Variants in UMODL1 observed in about 807,000 individuals in gnomAD.
The protein encoded by UMODL1 is uromodulin-like 1.
Under a neutral mutation model 136.3 loss-of-function variants are expected in UMODL1, and 128 were observed. The ratio of observed to expected loss-of-function variants is 0.94; its 90% CI spans 0.81 to 1.09. The LOEUF (loss-of-function observed/expected upper bound fraction) is 1.09. Ranked by LOEUF, UMODL1 falls within the 50% of genes least tolerant of loss-of-function variation. The probability of loss-of-function intolerance (pLI) is 0.00; values close to 1 mark genes in which losing one functional copy is unlikely to be tolerated. For missense variants in UMODL1, 1,766 were observed against 1,725.6 expected, an observed-to-expected ratio of 1.02 and a Z score of -0.41; for synonymous variants, 721 against 720.0, an observed-to-expected ratio of 1.00 and a Z score of -0.02.
Position 42,072,817 on chromosome 21 carries a change from C to G in UMODL1, c.76+1425C>G, listed in dbSNP as rs192545041. 4.1e-3 allele frequency among the ~76,000 whole-genome samples: 621 copies of G among 152,362 alleles called. 1 individual carries two copies. The highest frequency in any genetic ancestry group is 0.014 in the African/African-American group (592 of 41,588). ...CCCAGAGCATTAGGCTTTCCCATCT[C>G]TGAGACCGGAATCCAAGACCCCCGG... On this transcript the variant is annotated intron_variant, in intron 1 of 22. Coordinates refer to ENST00000408910, the MANE Select transcript of UMODL1 (RefSeq NM_001004416.3).
chr21:42,126,880 G>A (rs1458366770), intron 18 of UMODL1, 126 bp from the exon 19 acceptor site: 3 of 842,772 alleles, frequency 3.6e-6, no homozygotes, highest in Non-Finnish European at 5.9e-6. Flanking sequence ...GTTTGGGGTT[G>A]AGGGGGTCTT....
At chr21:42,130,046 C>G (rs2067113266) in intron 21 of UMODL1, among the ~76,000 whole-genome samples, 1 of 152,176 alleles carries the variant, frequency 6.6e-6, no homozygotes, top group South Asian at 2.1e-4. Flanking sequence ...TGAGCTATTA[C>G]CATACCCATG....
chr21:42,079,332 C>T (rs763229188), intron 2 of UMODL1, among the ~76,000 whole-genome samples: 18 of 152,240 alleles, frequency 1.2e-4, no homozygotes, highest in South Asian at 2.1e-4. Flanking sequence ...CTCCAGGAAG[C>T]GCCTCTTGTT....
intron 22 of UMODL1, among the ~76,000 whole-genome samples, chr21:42,141,878 C>T (rs965421390): frequency 1.3e-5 from 2 of 152,210 alleles, no homozygotes; most frequent in Non-Finnish European, 1.5e-5. Flanking sequence ...GAGCATCGCT[C>T]ACCTGAGGGC....
chr21:42,084,201 GC>G lies in UMODL1; in HGVS notation c.441del (p.Trp148GlyfsTer30), dbSNP rs754273819. 2 of 1,613,892 alleles carry G rather than the reference GC, an allele frequency of 1.2e-6. No individual in the cohort carries two copies. The highest frequency in any genetic ancestry group is 2.2e-5 in the East Asian group (1 of 44,858). Reference protein sequence around the residue: ...DIDCPGLEKCCPWSGGRYCMA... With the variant: ...DIDCPGLEKCXPWSGGRYCMA... ...GACTGTCCTGGACTTGAGAAGTGCTGCCCCTGGTCAGGGGGGCGCTACTGCA... is the reference window on the plus strand; with the variant it reads ...GACTGTCCTGGACTTGAGAAGTGCTGCCCTGGTCAGGGGGGCGCTACTGCA... On this transcript the variant is annotated frameshift_variant, in exon 3 of 23. Coordinates refer to ENST00000408910, the MANE Select transcript of UMODL1 (RefSeq NM_001004416.3). LOFTEE classifies it high-confidence loss of function.
chr21:42,120,098 A>C (rs1180980479), intron 15 of UMODL1, among the ~76,000 whole-genome samples: 1 of 152,264 alleles, frequency 6.6e-6, no homozygotes, highest in Non-Finnish European at 1.5e-5. Flanking sequence ...TGACTAACAA[A>C]GATGTGGTAA....
chr21:42,095,087 C>CTTTTTTT (rs1569151178), intron 6 of UMODL1, among the ~76,000 whole-genome samples: 2 of 34,048 alleles, frequency 5.9e-5, no homozygotes, highest in African/African-American at 7.5e-5. Context: ...TTTTCTTCTG[C>CTTTTTTT]TGTTTTTTTT....
intron 1 of UMODL1, among the ~76,000 whole-genome samples, chr21:42,073,460 C>T (rs1198543880): frequency 6.6e-6 from 1 of 152,198 alleles, no homozygotes; most frequent in Non-Finnish European, 1.5e-5. Flanking sequence ...TGGTCCCCAT[C>T]CCCAGAGGCC....
chr21:42,127,176 C>A lies in UMODL1; in HGVS notation c.3464C>A (p.Thr1155Lys), dbSNP rs373506559. The A allele has an allele frequency of 1.9e-6, 3 of 1,614,054 alleles. No individual in the cohort carries two copies. Among genetic ancestry groups the A allele is most frequent in the Non-Finnish European group, 2.5e-6 (3 of 1,180,042 alleles). ...RQKSNLKVVL[T>K]ECWATPSSNA... Reference sequence around the variant, plus strand: ...AAAAGCAACCTCAAGGTGGTCCTGACGGAGTGCTGGGCAACCCCGTCTAGC... The same window carrying A: ...AAAAGCAACCTCAAGGTGGTCCTGAAGGAGTGCTGGGCAACCCCGTCTAGC... The change falls in exon 19 of 23, where the codon ACG becomes AAG. Residue 1155 changes from threonine (T) to lysine (K), a missense_variant. Thr to Lys is a moderately conservative substitution (Grantham distance 78). Coordinates refer to ENST00000408910, the MANE Select transcript of UMODL1 (RefSeq NM_001004416.3).
chr21:42,098,987 C>T lies in UMODL1; in HGVS notation c.993C>T (p.Ser331=). 6.2e-7 allele frequency: 1 copy of T among 1,614,184 alleles called. No homozygotes were observed. The highest frequency in any genetic ancestry group is 8.5e-7 in the Non-Finnish European group (1 of 1,180,038). Residue 331 remains serine, a synonymous_variant, in exon 7 of 23, where the codon TCC becomes TCT. Coordinates refer to ENST00000408910, the MANE Select transcript of UMODL1 (RefSeq NM_001004416.3). The part of the protein sequence containing the change: ...LNVTSDSFQV[S]WRLNSTQNHT... ...TCACCAGTGACAGTTTTCAAGTATCCTGGCGTTTAAATTCTACACAGAACC... is the reference window on the plus strand; with the variant it reads ...TCACCAGTGACAGTTTTCAAGTATCTTGGCGTTTAAATTCTACACAGAACC...
Position 42,099,648 on chromosome 21 carries a change from C to T in UMODL1, c.1186+468C>T, listed in dbSNP as rs904075484. Among the ~76,000 whole-genome samples the T allele has an allele frequency of 3.9e-5, 6 of 152,124 alleles. No individual in the cohort carries two copies. The highest frequency in any genetic ancestry group is 1.3e-4 in the Admixed American group (2 of 15,270). On this transcript the variant is annotated intron_variant, in intron 7 of 22. Transcript: ENST00000408910. This position sits in a 1 kb window ranked among gnomAD's most constrained non-coding sequence, Gnocchi z 4.1. ...TGCTTCACTCATGATGCATGTAAAG[C>T]GAATGCCATGCCCACCACATTGGTG...
At chr21:42,127,898 T>C (rs2067083285) in intron 20 of UMODL1, 67 bp downstream of exon 20, 2 of 1,601,610 alleles carry the variant, frequency 1.2e-6, no homozygotes, top group African/African-American at 1.3e-5. Context: ...GGTTCGAGGC[T>C]CTGTTAATAA....
rs1327946102 is a variant in UMODL1, at chr21:42,099,238, T to A, written c.1186+58T>A. 1.5e-5 allele frequency: 24 copies of A among 1,585,970 alleles called. No homozygotes were observed. The highest frequency in any genetic ancestry group is 2.0e-5 in the Non-Finnish European group (23 of 1,164,598). On this transcript the variant is annotated intron_variant, in intron 7 of 22. Coordinates refer to ENST00000408910, the MANE Select transcript of UMODL1 (RefSeq NM_001004416.3). This position sits in a 1 kb window ranked among gnomAD's most constrained non-coding sequence, Gnocchi z 4.1. ...TGCGAGCTTGTCTTTCTATCCCAGG[T>A]CTGTGGCCCTAGCATGTCGCGTTCT...
rs144784964 is a variant in UMODL1 at position 42,091,993 on chromosome 21, C to T, written c.931+1555C>T. 5.3e-5 allele frequency among the ~76,000 whole-genome samples: 8 copies of T among 152,290 alleles called. No homozygotes were observed. In the South Asian group the frequency reaches 6.2e-4, roughly 12 times the overall value. Reference sequence around the variant, plus strand: ...TAAGGCAGGAAAACAGCTGGAAGGGCGTGCGCAGCAAGGTCAGCAGGGAAG... The same window carrying T: ...TAAGGCAGGAAAACAGCTGGAAGGGTGTGCGCAGCAAGGTCAGCAGGGAAG... On this transcript the variant is annotated intron_variant, in intron 6 of 22. Transcript: ENST00000408910.
In UMODL1 at chr21:42,126,501, A is replaced by G. The variant is rs201125936; in HGVS notation, c.3293+11A>G. ...CACCCTGGAGTGGGGGTAAGGGAGAAATGCCCCGGCTGCCCCACAGCCACG... is the reference window on the plus strand; with the variant it reads ...CACCCTGGAGTGGGGGTAAGGGAGAGATGCCCCGGCTGCCCCACAGCCACG... On this transcript the variant is annotated intron_variant, in intron 18 of 22. Transcript: ENST00000408910. 6.2e-7 allele frequency: 1 copy of G among 1,614,140 alleles called. No homozygotes were observed. Among genetic ancestry groups the G allele is most frequent in the East Asian group, 2.2e-5 (1 of 44,880 alleles).
In UMODL1 at chr21:42,090,390, C is replaced by G; in HGVS notation, c.883C>G (p.Gln295Glu). The part of the protein sequence containing the change: ...LEGSYWCVCH[Q>E]EAPATSPRKL... ...GGGCTCGTACTGGTGCGTCTGTCAC[C>G]AGGAAGCTCCAGCCACGTCTCCACG... The change falls in exon 6 of 23, where the codon CAG (glutamine) becomes GAG (glutamate). Residue 295 changes from glutamine (Q) to glutamate (E), a missense_variant. Transcript: ENST00000408910. The G allele has an allele frequency of 6.2e-7, 1 of 1,613,880 alleles. No homozygotes were observed. Among genetic ancestry groups the G allele is most frequent in the African/African-American group, 1.3e-5 (1 of 74,890 alleles).
chr21:42,102,287 A>G lies in UMODL1; in HGVS notation c.1299+9A>G, dbSNP rs367890320. On this transcript the variant is annotated intron_variant, in intron 8 of 22. Coordinates refer to ENST00000408910, the MANE Select transcript of UMODL1 (RefSeq NM_001004416.3). ...GACAACTGCTTCACGAGGTAAAGCC[A>G]CAATGCAGACAGAAATCTTTTCTTG... 7 of 1,573,402 alleles carry G rather than the reference A, an allele frequency of 4.4e-6. No individual in the cohort carries two copies. In the African/African-American group the frequency reaches 9.4e-5, roughly 21 times the overall value.
Position 42,142,956 on chromosome 21 carries a change from T to C in UMODL1, c.*882T>C, listed in dbSNP as rs1356700068. On this transcript the variant is annotated 3_prime_UTR_variant, in exon 23 of 23. Transcript: ENST00000408910. ...CATCATCCTAAGAGATAATGCTCTG[T>C]ACTTCATTTGAAATAAACTGGAATT... 6.6e-6 allele frequency: 1 copy of C among 152,252 alleles called. No individual in the cohort carries two copies. The highest frequency in any genetic ancestry group is 1.9e-4 in the East Asian group (1 of 5,204). The allele number at this position is 152,252 out of a possible 1,614,324, so 9.4% of individuals were successfully genotyped here. A position where few individuals can be genotyped will look rare whatever the true frequency, so the allele number is the denominator to read the frequency against.
rs546175091 is a variant in UMODL1 at position 42,111,110 on chromosome 21, G to A, written c.1888G>A (p.Val630Met). The change falls in exon 11 of 23, where the codon GTG becomes ATG. Residue 630 changes from valine to methionine, a missense_variant. Val to Met is a conservative substitution (Grantham distance 21, BLOSUM62 1). Transcript: ENST00000408910. Reference protein sequence around the residue: ...GYDRNNTGKGVEQELQGNSIM... With the variant: ...GYDRNNTGKGMEQELQGNSIM... ...TGACAGGAACAACACAGGAAAAGGC[G>A]TGGAGCAGGAGGTGCCCAGCACTGC... is the stretch of plus-strand genomic sequence containing the variant. 8.2e-5 allele frequency: 132 copies of A among 1,610,566 alleles called. No individual in the cohort carries two copies. The highest frequency in any genetic ancestry group is 5.0e-4 in the Admixed American group (30 of 59,424).
Sources: allele counts gnomAD v4.1 joint callset (sites outside exome capture counted in the v4.1 genomes callset), GRCh38; gene constraint gnomAD v4.1.1; non-coding constraint Gnocchi (gnomAD v3.1); transcripts MANE v1.5; gene names NCBI Gene and HGNC (gene_info 2026-07-23, HGNC 2026-07-21).